Variants in FEZ2 observed in about 807,000 individuals in gnomAD.
The protein encoded by FEZ2 is fasciculation and elongation protein zeta 2, also known as fasciculation and elongation protein zeta-2.
A neutral mutation model predicts 40.4 loss-of-function variants in FEZ2; 51 were observed. The ratio of observed to expected loss-of-function variants is 1.26; its 90% CI spans 1.01 to 1.59. FEZ2 has a LOEUF of 1.59. Among genes scored for constraint, FEZ2 ranks in the 40% most tolerant of loss-of-function variants. FEZ2 has a pLI of 0.00. For missense variants in FEZ2, 640 were observed against 438.3 expected (o/e 1.46, Z -4.11); for synonymous variants, 242 against 172.0 (o/e 1.41, Z -3.18).
At chr2:36,554,892 T>C (rs544335466) in intron 7 of FEZ2, among the ~76,000 whole-genome samples, 6 of 152,352 alleles carry the variant, frequency 3.9e-5, no homozygotes, top group African/African-American at 1.4e-4. Flanking sequence ...AGACTGTTAC[T>C]AGAAGAGGAT....
rs201451880 is a variant in FEZ2 at position 36,560,852 on chromosome 2, T to A, written c.904-2339A>T. 4.3e-6 allele frequency: 7 copies of A among 1,609,804 alleles called. No individual in the cohort carries two copies. In the East Asian group the frequency reaches 1.6e-4, roughly 36 times the overall value. ...ATTCTGAATGACATTTGAGATCCCT[T>A]CCATGCTGAAGCGCTAAAGGCGGCA... On this transcript the variant is annotated intron_variant, in intron 5 of 7. Coordinates refer to ENST00000405912, the MANE Select transcript of FEZ2 (RefSeq NM_005102.3).
chr2:36,561,440 G>C (rs1224105057), intron 5 of FEZ2: 1 of 152,206 alleles, frequency 6.6e-6, no homozygotes, highest in Admixed American at 6.5e-5. Flanking sequence ...CTGGAGAGCA[G>C]AGTGGATCCC....
intron 4 of FEZ2, among the ~76,000 whole-genome samples, chr2:36,579,524 T>C (rs1382118820): frequency 6.6e-6 from 1 of 152,016 alleles, no homozygotes; most frequent in African/African-American, 2.4e-5. Context: ...TTATGAGACC[T>C]GGTTGTTTAA....
At chr2:36,582,947 T>C (rs1045500610) in intron 3 of FEZ2, among the ~76,000 whole-genome samples, 2 of 152,238 alleles carry the variant, frequency 1.3e-5, no homozygotes, top group African/African-American at 4.8e-5. Flanking sequence ...GGGCACACAA[T>C]ATGTTACTTT....
chr2:36,561,908 G>A (rs977560493), intron 5 of FEZ2, among the ~76,000 whole-genome samples: 3 of 152,214 alleles, frequency 2.0e-5, no homozygotes, highest in African/African-American at 7.2e-5. Context: ...GTTTCATCCA[G>A]TGGTTCTCAA....
At chr2:36,570,088 A>G (rs995706800) in intron 5 of FEZ2, among the ~76,000 whole-genome samples, 2 of 152,144 alleles carry the variant, frequency 1.3e-5, no homozygotes. Flanking sequence ...AACAAGTGTA[A>G]AAAATTTAGA....
rs116295945 is a variant in FEZ2 at position 36,587,220 on chromosome 2, G to A, written c.375+3683C>T. On this transcript the variant is annotated intron_variant, in intron 2 of 7. Coordinates refer to ENST00000405912, the MANE Select transcript of FEZ2 (RefSeq NM_005102.3). ...ATTATAATAAATTTCCATGACAACA[G>A]AAATGATCCCAGATCATCTTTCCAG... Among the ~76,000 whole-genome samples, 316 of 152,268 alleles carry A rather than the reference G, an allele frequency of 2.1e-3. 2 individuals are homozygous for A. In the Middle Eastern group the frequency reaches 0.044, roughly 21 times the overall value.
chr2:36,561,463 G>C (rs923635861), intron 5 of FEZ2: 8 of 152,136 alleles, frequency 5.3e-5, no homozygotes, highest in African/African-American at 2.4e-5. Flanking sequence ...GTGCCAGCCA[G>C]GCCCCCAAAA....
intron 5 of FEZ2, among the ~76,000 whole-genome samples, chr2:36,569,739 C>T (rs1448333376): frequency 3.3e-5 from 5 of 152,142 alleles, no homozygotes; most frequent in Non-Finnish European, 7.4e-5. Context: ...ACACTATTCC[C>T]GCTATCAAAC....
At chr2:36,574,662 C>T (rs1408651205) in intron 5 of FEZ2, among the ~76,000 whole-genome samples, 2 of 151,634 alleles carry the variant, frequency 1.3e-5, no homozygotes, top group African/African-American at 2.4e-5. Context: ...AAAAAAAATC[C>T]CCCAAGTGGA....
At chr2:36,560,874 G>C in intron 5 of FEZ2, 1 of 1,566,568 alleles carries the variant, frequency 6.4e-7, no homozygotes, top group Admixed American at 1.7e-5. Flanking sequence ...CGCTAAAGGC[G>C]GCAATATACG....
chr2:36,592,644 CAAAAAAAAAAA>C (rs34717975), intron 1 of FEZ2, among the ~76,000 whole-genome samples: 1 of 74,600 alleles, frequency 1.3e-5, no homozygotes, highest in Non-Finnish European at 2.7e-5. Flanking sequence ...CACATCTCTA[CAAAAAAAAAAA>C]AAAAAAAAAA....
At chr2:36,554,624 AATG>A (rs886817128) in intron 7 of FEZ2, among the ~76,000 whole-genome samples, 12 of 152,206 alleles carry the variant, frequency 7.9e-5, no homozygotes, top group Admixed American at 7.2e-4. Flanking sequence ...TATTTTTTAA[AATG>A]ATGTCAACTC....
At chr2:36,584,974 C>T (rs553479563) in intron 2 of FEZ2, among the ~76,000 whole-genome samples, 41 of 152,270 alleles carry the variant, frequency 2.7e-4, no homozygotes, top group Non-Finnish European at 4.9e-4. Context: ...TGCGCAGTGA[C>T]GACAGCCCTT....
chr2:36,585,506 G>T lies in FEZ2; in HGVS notation c.376-2037C>A, dbSNP rs142012357. Among the ~76,000 whole-genome samples, 818 of 152,172 alleles carry T rather than the reference G, an allele frequency of 5.4e-3. 7 individuals carry two copies. Among genetic ancestry groups the T allele is most frequent in the African/African-American group, 0.019 (784 of 41,512 alleles). Reference sequence around the variant, plus strand: ...AGAGCATGGAGAAGAGGGAGAGGTGGGTGGGGAGGGAGAGCAGAAGGACTA... The same window carrying T: ...AGAGCATGGAGAAGAGGGAGAGGTGTGTGGGGAGGGAGAGCAGAAGGACTA... On this transcript the variant is annotated intron_variant, in intron 2 of 7. Transcript: ENST00000405912.
At chr2:36,555,897 T>A in intron 6 of FEZ2, 149 bp from the exon 7 acceptor site, 1 of 670,840 alleles carries the variant, frequency 1.5e-6, no homozygotes, top group Non-Finnish European at 2.7e-6. Flanking sequence ...GATAAGGGGA[T>A]ACAACAATAA....
Position 36,597,964 on chromosome 2 carries a change from A to T in FEZ2, c.179T>A (p.Leu60Gln), listed in dbSNP as rs1221602348. The T allele has an allele frequency of 4.7e-6, 7 of 1,474,704 alleles. No individual in the cohort carries two copies. The East Asian group carries it at 2.0e-4, about 43-fold the overall frequency. 91.4% of individuals were successfully genotyped at this position (1,474,704 alleles called of 1,614,324 possible). Residue 60 changes from leucine (L) to glutamine (Q), a missense_variant, in exon 1 of 8, where the codon CTG becomes CAG. By Grantham distance (113) the Leu-to-Gln change is moderately radical. Coordinates refer to ENST00000405912, the MANE Select transcript of FEZ2 (RefSeq NM_005102.3). ...PACSLEEKLSLCFRPSDPGAE... is the reference protein window; with the variant it reads ...PACSLEEKLSQCFRPSDPGAE... ...GCCCGGATCCGAGGGGCGGAAGCACAGGCTCAGCTTCTCCTCCAAGCTGCA... is the reference window on the plus strand; with the variant it reads ...GCCCGGATCCGAGGGGCGGAAGCACTGGCTCAGCTTCTCCTCCAAGCTGCA...
intron 4 of FEZ2, chr2:36,579,100 G>A (rs1668661806): frequency 4.6e-6 from 2 of 438,206 alleles, no homozygotes; most frequent in Non-Finnish European, 4.0e-6. Context: ...CAGCTTGCTG[G>A]CAAGAAAGTC....
At chr2:36,580,320 A>C (rs1419150636) in intron 4 of FEZ2, among the ~76,000 whole-genome samples, 1 of 152,212 alleles carries the variant, frequency 6.6e-6, no homozygotes, top group Non-Finnish European at 1.5e-5. Context: ...CTGTATGTTG[A>C]AGCCATACAA....
Sources: allele counts gnomAD v4.1 joint callset (sites outside exome capture counted in the v4.1 genomes callset), GRCh38; gene constraint gnomAD v4.1.1; transcripts MANE v1.5; gene names NCBI Gene and HGNC (gene_info 2026-07-23, HGNC 2026-07-21).